The following DLGAP2 variants were observed in gnomAD, a reference collection of about 807,000 sequenced individuals.
DLGAP2 encodes the protein disks large-associated protein 2.
A neutral mutation model predicts 100.3 loss-of-function variants in DLGAP2; 26 were observed. The observed-to-expected ratio is 0.26, with a 90% CI of 0.19 to 0.36. DLGAP2 has a LOEUF of 0.36. Among genes scored for constraint, DLGAP2 ranks in the 10% least tolerant of loss-of-function variants. DLGAP2 has a pLI of 1.00. For missense variants in DLGAP2, 1,858 were observed against 1,453.2 expected (o/e 1.28, Z -4.53); for synonymous variants, 886 against 630.1 (o/e 1.41, Z -6.08).
intron 2 of DLGAP2, among the ~76,000 whole-genome samples, chr8:1,036,612 C>T (rs1309765738): frequency 6.6e-6 from 1 of 152,088 alleles, no homozygotes; most frequent in Non-Finnish European, 1.5e-5. Context: ...TAAGGGGAGG[C>T]CTGGCAGGCT....
At chr8:1,696,850 C>T (rs930134485) in intron 13 of DLGAP2, among the ~76,000 whole-genome samples, 2 of 152,230 alleles carry the variant, frequency 1.3e-5, no homozygotes, top group African/African-American at 2.4e-5. Flanking sequence ...ACACAGGCTC[C>T]TACTGCTTTT....
intron 4 of DLGAP2, among the ~76,000 whole-genome samples, chr8:1,540,742 C>T (rs2130489574): frequency 6.6e-6 from 1 of 152,340 alleles, no homozygotes. Context: ...AGCAGTGCTT[C>T]CTCTCAGAAG....
intron 3 of DLGAP2, among the ~76,000 whole-genome samples, chr8:1,264,972 T>C (rs963123740): frequency 1.6e-4 from 24 of 152,210 alleles, no homozygotes; most frequent in South Asian, 2.1e-4. Flanking sequence ...ATGTAAGACA[T>C]GCCGTTGCTC....
chr8:1,669,681 C>A, intron 9 of DLGAP2, 62 bp from the exon 10 acceptor site: 1 of 780,038 alleles, frequency 1.3e-6, no homozygotes, highest in Non-Finnish European at 2.4e-6. Context: ...GCAGGGGAGC[C>A]GCCCGCTGGT....
chr8:1,178,584 C>T (rs1562922), intron 2 of DLGAP2, among the ~76,000 whole-genome samples: 70,450 of 151,560 alleles, frequency 0.46, 18,623 homozygotes, highest in Admixed American at 0.61. Flanking sequence ...AGACATCTCT[C>T]TTTTTTTTAG....
intron 2 of DLGAP2, among the ~76,000 whole-genome samples, chr8:1,257,868 A>C (rs934742320): frequency 6.6e-6 from 1 of 152,232 alleles, no homozygotes; most frequent in Non-Finnish European, 1.5e-5. Context: ...CCTTGACACT[A>C]GTTCAGGGCT....
intron 2 of DLGAP2, among the ~76,000 whole-genome samples, chr8:1,166,342 A>G (rs571615990): frequency 7.4e-4 from 112 of 152,278 alleles, no homozygotes; most frequent in Non-Finnish European, 1.3e-3. Flanking sequence ...CTCTTCATTC[A>G]GGACCGACAT....
At chr8:1,588,738 TAAAA>T (rs11358700) in intron 6 of DLGAP2, among the ~76,000 whole-genome samples, 6 of 91,456 alleles carry the variant, frequency 6.6e-5, no homozygotes, top group Non-Finnish European at 9.9e-5. Context: ...CTGTCTTTAC[TAAAA>T]AAAAAAAAAA....
At chr8:1,070,132 G>A (rs545171208) in intron 2 of DLGAP2, among the ~76,000 whole-genome samples, 1 of 152,304 alleles carries the variant, frequency 6.6e-6, no homozygotes, top group South Asian at 2.1e-4. Context: ...GAAGGTTTTG[G>A]GGCATCTTGT....
At position 1,523,105 on chromosome 8, in the gene DLGAP2, TG is replaced by T. The variant is rs544762796; in HGVS notation, c.172+21677del. On this transcript the variant is annotated intron_variant, in intron 4 of 14. Transcript: ENST00000637795. ...ACGGCACTGCCCGTGCGGCATCTCC[TG>T]GGACCTGGGAGCTTTCACGCCACGC... Among the ~76,000 whole-genome samples, 196 of 152,318 alleles carry T rather than the reference TG, an allele frequency of 1.3e-3. 2 individuals are homozygous for T. Among genetic ancestry groups the T allele is most frequent in the African/African-American group, 4.6e-3 (193 of 41,572 alleles).
At chr8:1,031,371 C>T (rs1326013589) in intron 2 of DLGAP2, among the ~76,000 whole-genome samples, 4 of 151,936 alleles carry the variant, frequency 2.6e-5, no homozygotes, top group African/African-American at 7.3e-5. Context: ...GGACTGACAT[C>T]GAGATTTCTT....
At chr8:1,119,108 AT>A (rs965400373) in intron 2 of DLGAP2, among the ~76,000 whole-genome samples, 16 of 152,152 alleles carry the variant, frequency 1.1e-4, no homozygotes, top group Admixed American at 1.0e-3. Context: ...TTGATAAGTG[AT>A]TTTTTCCCAT....
At chr8:802,681 C>T (rs911888717) in intron 1 of DLGAP2, among the ~76,000 whole-genome samples, 9 of 152,070 alleles carry the variant, frequency 5.9e-5, no homozygotes, top group Admixed American at 1.3e-4. Flanking sequence ...CCTTGATCGC[C>T]GCCCTGCATG....
chr8:769,874 G>C (rs1326066250), intron 1 of DLGAP2, among the ~76,000 whole-genome samples: 1 of 152,176 alleles, frequency 6.6e-6, no homozygotes, highest in Non-Finnish European at 1.5e-5. Flanking sequence ...GAAAGATGGA[G>C]TCAGAAGCCA....
chr8:862,885 A>G (rs1797419988), intron 1 of DLGAP2, among the ~76,000 whole-genome samples: 1 of 152,368 alleles, frequency 6.6e-6, no homozygotes, highest in East Asian at 1.9e-4. Context: ...ACTTATTAAC[A>G]TACATAATTG....
chr8:975,412 C>T (rs1261028798), intron 2 of DLGAP2, among the ~76,000 whole-genome samples: 2 of 151,952 alleles, frequency 1.3e-5, no homozygotes, highest in Admixed American at 6.6e-5. Context: ...TTAGCATTCC[C>T]CTCAAATCAA....
chr8:879,295 C>T (rs1797740867), intron 1 of DLGAP2, among the ~76,000 whole-genome samples: 1 of 152,150 alleles, frequency 6.6e-6, no homozygotes, highest in Admixed American at 6.5e-5. Flanking sequence ...GAAGACCATT[C>T]CCCGGAGAAG....
intron 6 of DLGAP2, among the ~76,000 whole-genome samples, chr8:1,577,821 C>T (rs1481845007): frequency 6.6e-6 from 1 of 152,136 alleles, no homozygotes; most frequent in Non-Finnish European, 1.5e-5. Context: ...CAGCACTCAG[C>T]GTGGTCAGCA....
At chr8:810,198 C>G (rs1177899254) in intron 1 of DLGAP2, among the ~76,000 whole-genome samples, 1 of 152,344 alleles carries the variant, frequency 6.6e-6, no homozygotes, top group Non-Finnish European at 1.5e-5. Context: ...TGTTTACTCT[C>G]CCCACTTCTA....
Sources: gnomAD v4.1 joint callset for allele counts (sites outside exome capture counted in the v4.1 genomes callset) on GRCh38, gnomAD v4.1.1 for gene constraint, MANE v1.5 for transcripts, NCBI Gene and HGNC (gene_info 2026-07-23, HGNC 2026-07-21) for gene names.